TOGARAM1: variants seen among roughly 807,000 people sequenced by gnomAD.
TOGARAM1 encodes the protein TOG array regulator of axonemal microtubules 1.
Under a neutral mutation model 166.6 loss-of-function variants are expected in TOGARAM1, and 100 were observed. The observed-to-expected ratio is 0.60, with a 90% CI of 0.51 to 0.71. TOGARAM1 has a LOEUF of 0.71. Among genes scored for constraint, TOGARAM1 ranks in the 30% least tolerant of loss-of-function variants. The pLI, the probability that TOGARAM1 is intolerant of heterozygous loss-of-function variation, is 0.00. For synonymous variants in TOGARAM1, 758 were observed against 763.8 expected, an observed-to-expected ratio of 0.99 and a Z score of 0.13; for missense variants, 2,029 against 2,102.7, an observed-to-expected ratio of 0.96 and a Z score of 0.69.
Position 45,004,073 on chromosome 14 carries a change from T to A in TOGARAM1, c.2351T>A (p.Leu784His). The A allele has an allele frequency of 6.2e-7, 1 of 1,613,924 alleles. No individual in the cohort carries two copies. The highest frequency in any genetic ancestry group is 8.5e-7 in the Non-Finnish European group (1 of 1,179,882). Residue 784 changes from leucine to histidine, a missense_variant, in exon 4 of 20, where the codon CTC (leucine) becomes CAC (histidine). Transcript: ENST00000361462. ...TGTTTTATTACAGTGTATGCTAGCCTCAATTTTGGCAGTAAGACACAGCAA... is the reference window on the plus strand; with the variant it reads ...TGTTTTATTACAGTGTATGCTAGCCACAATTTTGGCAGTAAGACACAGCAA... ...SSHQEKVYAS[L>H]NFGSKTQQTF...
chr14:44,969,353 A>T (rs781646857), intron 1 of TOGARAM1, among the ~76,000 whole-genome samples: 1 of 151,584 alleles, frequency 6.6e-6, no homozygotes, highest in Non-Finnish European at 1.5e-5. Flanking sequence ...GGATTTCACC[A>T]TGTTGGCCAG....
intron 1 of TOGARAM1, among the ~76,000 whole-genome samples, chr14:44,987,847 A>C (rs1442810266): frequency 6.7e-6 from 1 of 149,026 alleles, no homozygotes; most frequent in Non-Finnish European, 1.5e-5. Flanking sequence ...AAAGACTTGG[A>C]ACCAACCCAA....
At position 44,996,106 on chromosome 14, in the gene TOGARAM1, T is replaced by G. The variant is rs370251875; in HGVS notation, c.2203+204T>G. On this transcript the variant is annotated intron_variant, in intron 2 of 19. Coordinates refer to ENST00000361462, the MANE Select transcript of TOGARAM1 (RefSeq NM_001308120.2). ...GTTTCTCACTGAAATCGTTTAAGTA[T>G]TAATATAGGGCAATATTTGCTTAAT... 43 of 369,358 alleles carry G rather than the reference T, an allele frequency of 1.2e-4. 1 individual carries two copies. In the East Asian group the frequency reaches 1.8e-3, roughly 15 times the overall value. The allele number at this position is 369,358 out of a possible 1,614,324, so 22.9% of individuals were successfully genotyped here.
chr14:45,011,935 AAATCTT>A, intron 6 of TOGARAM1, 34 bp from the exon 7 acceptor site: 1 of 1,434,336 alleles, frequency 7.0e-7, no homozygotes, highest in Non-Finnish European at 9.7e-7. Context: ...GAACAGCACT[AAATCTT>A]AATGTTTATT....
At chr14:45,028,040 G>A (rs1880957425) in intron 9 of TOGARAM1, 136 bp from the exon 10 acceptor site, 1 of 590,628 alleles carries the variant, frequency 1.7e-6, no homozygotes, top group Admixed American at 3.3e-5. Context: ...TATATGTATG[G>A]GTATATTCTG....
Position 44,962,757 on chromosome 14 carries a change from C to A in TOGARAM1, c.336C>A (p.Ala112=), listed in dbSNP as rs778992651. The change falls in exon 1 of 20, where the codon GCC becomes GCA. Residue 112 remains alanine (A), a synonymous_variant. Coordinates refer to ENST00000361462, the MANE Select transcript of TOGARAM1 (RefSeq NM_001308120.2). ...GCACTGCCCGGGATCCTTCTGAGGC[C>A]TTCCAGGCTTTGCAAGCTGCTTTGC... ...LLRTARDPSE[A]FQALQAALPR... is the part of the protein sequence containing the mutation. 7 of 1,613,446 alleles carry A rather than the reference C, an allele frequency of 4.3e-6. No individual in the cohort carries two copies. The highest frequency in any genetic ancestry group is 5.1e-6 in the Non-Finnish European group (6 of 1,180,032).
chr14:45,063,387 C>G (rs1882986825), intron 16 of TOGARAM1, among the ~76,000 whole-genome samples: 1 of 151,956 alleles, frequency 6.6e-6, no homozygotes. Context: ...TTTTACATCT[C>G]ACCAGTAGTG....
chr14:45,060,452 G>A (rs1430855803), intron 16 of TOGARAM1, among the ~76,000 whole-genome samples: 1 of 152,138 alleles, frequency 6.6e-6, no homozygotes, highest in East Asian at 1.9e-4. Context: ...CTGACCTCAG[G>A]TGATCCACCC....
intron 1 of TOGARAM1, among the ~76,000 whole-genome samples, chr14:44,978,878 A>G (rs1466117719): frequency 6.6e-6 from 1 of 151,874 alleles, no homozygotes; most frequent in African/African-American, 2.4e-5. Context: ...ATAGGCCTGT[A>G]GTCTCAGCTC....
At chr14:45,071,245 A>G (rs1296762411) in intron 18 of TOGARAM1, among the ~76,000 whole-genome samples, 1 of 147,760 alleles carries the variant, frequency 6.8e-6, no homozygotes, top group Admixed American at 6.7e-5. Context: ...TGATAAAACT[A>G]TGTTATCGTT....
chr14:45,071,292 T>G (rs1345829637), intron 18 of TOGARAM1, among the ~76,000 whole-genome samples: 21 of 152,144 alleles, frequency 1.4e-4, no homozygotes, highest in Middle Eastern at 3.4e-3. Context: ...GCAGTTTTTT[T>G]TTTTTTTTTT....
chr14:44,988,212 A>G (rs1266933313), intron 1 of TOGARAM1, among the ~76,000 whole-genome samples: 1 of 152,036 alleles, frequency 6.6e-6, no homozygotes, highest in African/African-American at 2.4e-5. Flanking sequence ...TATGTAACAA[A>G]CCTGCACATT....
intron 16 of TOGARAM1, among the ~76,000 whole-genome samples, chr14:45,063,336 CTT>C (rs1464749708): frequency 6.6e-6 from 1 of 152,094 alleles, no homozygotes; most frequent in Non-Finnish European, 1.5e-5. Flanking sequence ...TATGTTTAAT[CTT>C]TTGAAGAACC....
intron 11 of TOGARAM1, 62 bp from the exon 12 acceptor site, chr14:45,043,624 T>C (rs1881836383): frequency 2.2e-6 from 2 of 912,726 alleles, no homozygotes; most frequent in East Asian, 4.8e-5. Context: ...ATAAGACATT[T>C]GTGATCCTGT....
chr14:45,050,258 C>A (rs1882295624), intron 14 of TOGARAM1, among the ~76,000 whole-genome samples: 2 of 152,008 alleles, frequency 1.3e-5, no homozygotes, highest in Non-Finnish European at 2.9e-5. Flanking sequence ...GATATGTGAT[C>A]TTTTTCTTTT....
chr14:45,002,576 A>G (rs10140318), intron 3 of TOGARAM1, among the ~76,000 whole-genome samples: 28,023 of 152,130 alleles, frequency 0.18, 5,239 homozygotes, highest in African/African-American at 0.48. Flanking sequence ...CAATTTACAT[A>G]TTGTAGTGAT....
At chr14:44,984,137 A>T (rs929252375) in intron 1 of TOGARAM1, among the ~76,000 whole-genome samples, 7 of 152,172 alleles carry the variant, frequency 4.6e-5, no homozygotes, top group African/African-American at 1.7e-4. Flanking sequence ...TGATTATGAG[A>T]TATGTGTCTA....
At chr14:45,041,421 A>C (rs1024683944) in intron 11 of TOGARAM1, among the ~76,000 whole-genome samples, 4 of 152,216 alleles carry the variant, frequency 2.6e-5, no homozygotes, top group African/African-American at 9.6e-5. Flanking sequence ...AAAACAAAAA[A>C]GTTTCCACAA....
At position 44,964,441 on chromosome 14, in the gene TOGARAM1, A is replaced by G. The variant is rs1260161585; in HGVS notation, c.2020A>G (p.Thr674Ala). Residue 674 changes from threonine (T) to alanine (A), a missense_variant, in exon 1 of 20, where the codon ACC becomes GCC. Transcript: ENST00000361462. ...ACCTGGAATCATGGGAGAAAACCAG[A>G]CCTCCACTTCCAAGGATATAGAGCA... Reference protein sequence around the residue: ...EQPGIMGENQTSTSKDIEQFS... With the variant: ...EQPGIMGENQASTSKDIEQFS... The G allele has an allele frequency of 1.3e-6, 2 of 1,594,152 alleles. No homozygotes were observed. The highest frequency in any genetic ancestry group is 3.5e-5 in the Admixed American group (2 of 57,698).
Sources: gnomAD v4.1 joint callset for allele counts (sites outside exome capture counted in the v4.1 genomes callset) on GRCh38, gnomAD v4.1.1 for gene constraint, MANE v1.5 for transcripts, NCBI Gene and HGNC (gene_info 2026-07-23, HGNC 2026-07-21) for gene names.